Variants in AKT1 observed in about 807,000 individuals in gnomAD.
The protein encoded by AKT1 is RAC-alpha serine/threonine-protein kinase.
Under a neutral mutation model 63.1 loss-of-function variants are expected in AKT1, and 21 were observed. That is an observed-to-expected ratio of 0.33 (90% CI 0.24 to 0.48). The LOEUF is 0.48. AKT1 is among the 20% of genes least tolerant of loss of function. The pLI is 0.99. For missense variants in AKT1, 382 were observed against 666.0 expected (o/e 0.57, Z 4.69); for synonymous variants, 257 against 253.1 (o/e 1.02, Z -0.15).
In AKT1 at chr14:104,775,014, G is replaced by C. The variant is rs997628580; in HGVS notation, c.568-11C>G. 1.9e-6 allele frequency: 3 copies of C among 1,613,160 alleles called. No individual in the cohort carries two copies. In the African/African-American group the frequency reaches 4.0e-5, roughly 22 times the overall value. ...GTGGGCCACCTCGTCCTGTAAAGCAGGGCTGGGTGAGCTGCCACCCCGCAC... is the reference window on the plus strand; with the variant it reads ...GTGGGCCACCTCGTCCTGTAAAGCACGGCTGGGTGAGCTGCCACCCCGCAC... On this transcript the variant is annotated splice_polypyrimidine_tract_variant and intron_variant, in intron 7 of 14. Coordinates refer to ENST00000649815, the MANE Select transcript of AKT1 (RefSeq NM_001382430.1).
chr14:104,779,249 G>A (rs530714968), intron 4 of AKT1, among the ~76,000 whole-genome samples: 17 of 152,352 alleles, frequency 1.1e-4, no homozygotes, highest in African/African-American at 3.8e-4. Context: ...GGGATGCTCC[G>A]GCCAAGGTCC....
rs1892437344 is a variant in AKT1, at chr14:104,772,330, A to G, written c.1260+35T>C. On this transcript the variant is annotated intron_variant, in intron 13 of 14. Coordinates refer to ENST00000649815, the MANE Select transcript of AKT1 (RefSeq NM_001382430.1). ...GCGTGAGTGTGGATATGTGGGGAGCATGCGTGCGCGTGAATATGCGGGGAG... is the reference window on the plus strand; with the variant it reads ...GCGTGAGTGTGGATATGTGGGGAGCGTGCGTGCGCGTGAATATGCGGGGAG... The G allele has an allele frequency of 2.5e-6, 4 of 1,609,006 alleles. No homozygotes were observed. The African/African-American group carries it at 5.3e-5, about 21-fold the overall frequency.
intron 3 of AKT1, among the ~76,000 whole-genome samples, chr14:104,782,622 G>C (rs373762536): frequency 3.3e-5 from 5 of 152,262 alleles, no homozygotes; most frequent in Admixed American, 6.5e-5. Flanking sequence ...CCTGGGATGG[G>C]CAGAGGCCCA....
chr14:104,773,201 T>C (rs1250195633), intron 11 of AKT1, 50 bp downstream of exon 11: 1 of 1,612,934 alleles, frequency 6.2e-7, no homozygotes, highest in African/African-American at 1.3e-5. Context: ...TTGCGTGTGC[T>C]CAGGACGTGG....
Position 104,773,299 on chromosome 14 carries a change from A to G in AKT1, c.909T>C (p.Gly303=). 6.2e-7 allele frequency: 1 copy of G among 1,614,176 alleles called. No homozygotes were observed. Among genetic ancestry groups the G allele is most frequent in the South Asian group, 1.1e-5 (1 of 91,086 alleles). The part of the protein sequence containing the change: ...FGLCKEGIKD[G]ATMKTFCGTP... ...TGCCGCAAAAGGTCTTCATGGTGGCACCGTCCTTGATCCCCTCCTTGCACA... is the reference window on the plus strand; with the variant it reads ...TGCCGCAAAAGGTCTTCATGGTGGCGCCGTCCTTGATCCCCTCCTTGCACA... The change falls in exon 11 of 15, where the codon GGT becomes GGC. Residue 303 remains glycine (G), a synonymous_variant. Transcript: ENST00000649815.
intron 4 of AKT1, chr14:104,778,515 G>A (rs1370963058): frequency 6.6e-6 from 1 of 152,276 alleles, no homozygotes; most frequent in African/African-American, 2.4e-5. Context: ...ACCAGGTCCT[G>A]GTAAACCCCA....
rs897920742 is a variant in AKT1, at chr14:104,773,435, CT to C, written c.828+19del. 6.2e-7 allele frequency: 1 copy of C among 1,613,924 alleles called. No individual in the cohort carries two copies. The highest frequency in any genetic ancestry group is 8.5e-7 in the Non-Finnish European group (1 of 1,179,882). ...GCCAGGCCCCCAGGGCCCTGCCCCCCTGCCTGCCCGCCAGCGCACCTTGAGG... is the reference window on the plus strand; with the variant it reads ...GCCAGGCCCCCAGGGCCCTGCCCCCCGCCTGCCCGCCAGCGCACCTTGAGG... On this transcript the variant is annotated intron_variant, in intron 10 of 14. Transcript: ENST00000649815.
rs1036151960 is a variant in AKT1, at chr14:104,795,309, G to C, written c.-258+175C>G. 1.3e-5 allele frequency among the ~76,000 whole-genome samples: 2 copies of C among 150,002 alleles called. No individual in the cohort carries two copies. The highest frequency in any genetic ancestry group is 3.0e-5 in the Non-Finnish European group (2 of 67,238). ...GGCGTGGGGCCGCCCTCCCTTGGCC[G>C]GGCCCGCGCGCCCCGCGCCCTCCCC... is the stretch of plus-strand genomic sequence containing the variant. On this transcript the variant is annotated intron_variant, in intron 1 of 14. Coordinates refer to ENST00000649815, the MANE Select transcript of AKT1 (RefSeq NM_001382430.1). This position sits in a 1 kb window ranked among gnomAD's most constrained non-coding sequence, Gnocchi z 5.1.
At position 104,769,356 on chromosome 14, in the gene AKT1, A is replaced by C. The variant is rs1892244524; in HGVS notation, c.*985T>G. 8.3e-6 allele frequency: 2 copies of C among 240,760 alleles called. No homozygotes were observed. The highest frequency in any genetic ancestry group is 4.4e-5 in the African/African-American group (2 of 45,120). The allele number at this position is 240,760 out of a possible 1,614,324, so 14.9% of individuals were successfully genotyped here. A position where few individuals can be genotyped will look rare whatever the true frequency, so the allele number is the denominator to read the frequency against. ...AGCAAAGTGAGCCAAAAATTTGAAA[A>C]GCAACTTTTATTGAAGAATTTGGAG... On this transcript the variant is annotated 3_prime_UTR_variant, in exon 15 of 15. Transcript: ENST00000649815.
intron 5 of AKT1, chr14:104,776,084 C>A (rs1232561409): frequency 3.0e-6 from 1 of 335,996 alleles, no homozygotes; most frequent in Admixed American, 4.8e-5. Context: ...GACTCCGCCC[C>A]CCCCAAGCAG....
chr14:104,787,764 G>A (rs1893410605), intron 3 of AKT1, among the ~76,000 whole-genome samples: 1 of 152,230 alleles, frequency 6.6e-6, no homozygotes, highest in Non-Finnish European at 1.5e-5. Flanking sequence ...GCCCAGAGAG[G>A]GCCAGTGACC....
chr14:104,779,861 G>C (rs1432133995), intron 4 of AKT1, among the ~76,000 whole-genome samples: 2 of 151,102 alleles, frequency 1.3e-5, no homozygotes, highest in Non-Finnish European at 2.9e-5. Context: ...TTAGGACTCA[G>C]CCTGGAGACT....
At chr14:104,794,403 G>A (rs193056970) in intron 1 of AKT1, 1 of 152,426 alleles carries the variant, frequency 6.6e-6, no homozygotes, top group Non-Finnish European at 1.5e-5. Context: ...CTCACACAGG[G>A]TGGTGTACGT....
Position 104,774,744 on chromosome 14 carries a change from C to T in AKT1, c.633+194G>A, listed in dbSNP as rs1359252382. 2.2e-5 allele frequency: 14 copies of T among 637,120 alleles called. No individual in the cohort carries two copies. The East Asian group carries it at 2.5e-4, about 12-fold the overall frequency. 39.5% of individuals were successfully genotyped at this position (637,120 alleles called of 1,614,324 possible). On this transcript the variant is annotated intron_variant, in intron 8 of 14. Coordinates refer to ENST00000649815, the MANE Select transcript of AKT1 (RefSeq NM_001382430.1). ...CCCACCTGCCCGCACACGGGAGCAG[C>T]GAGCACAGCCCCTAGCCCACACTGG...
Position 104,776,798 on chromosome 14 carries a change from G to C in AKT1, c.176-28C>G, listed in dbSNP as rs777809953. The C allele has an allele frequency of 2.5e-6, 4 of 1,592,204 alleles. No individual in the cohort carries two copies. In the African/African-American group the frequency reaches 5.4e-5, roughly 21 times the overall value. On this transcript the variant is annotated intron_variant, in intron 4 of 14. Coordinates refer to ENST00000649815, the MANE Select transcript of AKT1 (RefSeq NM_001382430.1). The stretch of plus-strand genomic sequence containing the variant: ...GCGGGCAGGCAGAGCCTCTGTCTGC[G>C]TGCATCCCCCTGCCCCTCCCAGGGC...
In AKT1 at chr14:104,772,883, C is replaced by T; in HGVS notation, c.1167G>A (p.Lys389=). 1 of 1,609,190 alleles carries T rather than the reference C, an allele frequency of 6.2e-7. No homozygotes were observed. Among genetic ancestry groups the T allele is most frequent in the South Asian group, 1.1e-5 (1 of 90,956 alleles). Residue 389 remains lysine (K), a synonymous_variant, in exon 12 of 15, where the codon AAG becomes AAA. Coordinates refer to ENST00000649815, the MANE Select transcript of AKT1 (RefSeq NM_001382430.1). The part of the protein sequence containing the change: ...LLSGLLKKDP[K]QRLGGGSEDA... ...CTGGGATGGGCGGCCCTCACCTCTG[C>T]TTGGGGTCCTTCTTGAGCAGCCCTG...
At chr14:104,784,567 C>T (rs1024396264) in intron 3 of AKT1, among the ~76,000 whole-genome samples, 1 of 152,322 alleles carries the variant, frequency 6.6e-6, no homozygotes, top group Admixed American at 6.5e-5. Flanking sequence ...GCTGGAGCAC[C>T]CCCAGGGAAA....
chr14:104,772,824 C>G, intron 12 of AKT1, 54 bp downstream of exon 12: 1 of 1,551,628 alleles, frequency 6.4e-7, no homozygotes, highest in Non-Finnish European at 8.7e-7. Flanking sequence ...GCAGGTGCAG[C>G]CTGGGGATGA....
At chr14:104,773,647 G>T in intron 9 of AKT1, 67 bp from the exon 10 acceptor site, 1 of 1,547,112 alleles carries the variant, frequency 6.5e-7, no homozygotes, top group East Asian at 2.4e-5. Context: ...TGCAGGGCTG[G>T]GGTTTCTCAG....
Sources: allele counts gnomAD v4.1 joint callset (sites outside exome capture counted in the v4.1 genomes callset), GRCh38; gene constraint gnomAD v4.1.1; non-coding constraint Gnocchi (gnomAD v3.1); transcripts MANE v1.5; gene names NCBI Gene and HGNC (gene_info 2026-07-23, HGNC 2026-07-21).